Variants in PPP6C observed in about 807,000 individuals in gnomAD.
The protein encoded by PPP6C is serine/threonine-protein phosphatase 6 catalytic subunit.
PPP6C carries 11 observed loss-of-function variants against 39.8 expected under a neutral mutation model. The ratio of observed to expected loss-of-function variants is 0.28; its 90% CI spans 0.17 to 0.46. PPP6C has a LOEUF of 0.46. PPP6C is among the 20% of genes least tolerant of loss of function. PPP6C has a pLI of 1.00. For synonymous variants in PPP6C, 129 were observed against 130.3 expected (o/e 0.99, Z 0.07); for missense variants, 211 against 373.9 (o/e 0.56, Z 3.59).
chr9:125,167,108 C>T (rs117043273), intron 2 of PPP6C, among the ~76,000 whole-genome samples: 3,038 of 152,008 alleles, frequency 0.02, 46 homozygotes, highest in Non-Finnish European at 0.031. Flanking sequence ...GGGCCAGGTG[C>T]AGCGGCTCAC....
intron 2 of PPP6C, among the ~76,000 whole-genome samples, chr9:125,169,813 C>T (rs574647069): frequency 6.6e-6 from 1 of 152,200 alleles, no homozygotes; most frequent in South Asian, 2.1e-4. Context: ...CATAATGGGA[C>T]CTCCATCTAG....
At chr9:125,186,683 G>A (rs1011603888) in intron 1 of PPP6C, among the ~76,000 whole-genome samples, 4 of 151,674 alleles carry the variant, frequency 2.6e-5, no homozygotes, top group Non-Finnish European at 2.9e-5. Context: ...CCAGGAGGTC[G>A]AGGCTGCAAT....
chr9:125,154,178 G>A (rs1517411), intron 4 of PPP6C, among the ~76,000 whole-genome samples, 193 bp from the exon 5 acceptor site: 67,241 of 152,046 alleles, frequency 0.44, 15,245 homozygotes, highest in East Asian at 0.53. Flanking sequence ...ACATACAGTT[G>A]TATGTCCCTT....
At chr9:125,183,609 TCCAGTACCAC>T (rs992739304) in intron 1 of PPP6C, among the ~76,000 whole-genome samples, 1 of 152,192 alleles carries the variant, frequency 6.6e-6, no homozygotes, top group African/African-American at 2.4e-5. Flanking sequence ...CATCTTTCTT[TCCAGTACCAC>T]CTCCAGCCAT....
rs749236119 is a variant in PPP6C, at chr9:125,175,780, T to C, written c.76-4600A>G. On this transcript the variant is annotated intron_variant, in intron 1 of 6. Transcript: ENST00000373547. Reference sequence around the variant, plus strand: ...TTTCCACTACATTATATTGAATATTTAGTTGTTCAATGCAACAAATATTTA... The same window carrying C: ...TTTCCACTACATTATATTGAATATTCAGTTGTTCAATGCAACAAATATTTA... Among the ~76,000 whole-genome samples the C allele has an allele frequency of 2.1e-4, 32 of 152,206 alleles. 1 individual carries two copies. The highest frequency in any genetic ancestry group is 3.8e-4 in the Non-Finnish European group (26 of 68,048).
intron 1 of PPP6C, 144 bp downstream of exon 1, chr9:125,189,500 G>A: frequency 6.9e-7 from 1 of 1,458,290 alleles, no homozygotes; most frequent in Non-Finnish European, 9.0e-7. Context: ...TCGGCGTGAC[G>A]CCGGGTAGGA....
chr9:125,186,843 T>C (rs1470487131), intron 1 of PPP6C, among the ~76,000 whole-genome samples: 1 of 148,916 alleles, frequency 6.7e-6, no homozygotes, highest in Non-Finnish European at 1.5e-5. Context: ...CAACAAGAAA[T>C]AAAATGGTCT....
intron 4 of PPP6C, among the ~76,000 whole-genome samples, chr9:125,154,712 T>TA (rs1163313483): frequency 1.3e-5 from 2 of 152,194 alleles, no homozygotes; most frequent in Non-Finnish European, 2.9e-5. Context: ...TCAAACAAAT[T>TA]AGAGGATCCT....
intron 4 of PPP6C, among the ~76,000 whole-genome samples, chr9:125,155,760 C>T (rs1344805910): frequency 6.6e-6 from 1 of 151,972 alleles, no homozygotes; most frequent in East Asian, 1.9e-4. Flanking sequence ...AAAAAATTAG[C>T]CGGGCATGGT....
intron 2 of PPP6C, among the ~76,000 whole-genome samples, chr9:125,169,926 C>G (rs1299031565): frequency 1.3e-5 from 2 of 152,236 alleles, no homozygotes; most frequent in South Asian, 2.1e-4. Context: ...GTAGCCAAAA[C>G]AAGACTTTAC....
intron 1 of PPP6C, among the ~76,000 whole-genome samples, chr9:125,181,343 T>G (rs1017893253): frequency 2.0e-5 from 3 of 152,166 alleles, no homozygotes; most frequent in African/African-American, 7.2e-5. Context: ...TATTTATTTA[T>G]TTTTTATTAT....
chr9:125,154,236 G>A (rs942823032), intron 4 of PPP6C, among the ~76,000 whole-genome samples: 1 of 152,186 alleles, frequency 6.6e-6, no homozygotes, highest in Non-Finnish European at 1.5e-5. Context: ...TGATTTCATC[G>A]TTGTGTGAAC....
chr9:125,147,202 G>A lies in PPP6C; in HGVS notation c.*2471C>T, dbSNP rs1835831400. 6.6e-6 allele frequency: 1 copy of A among 152,166 alleles called. No homozygotes were observed. The highest frequency in any genetic ancestry group is 2.4e-5 in the African/African-American group (1 of 41,440). 9.4% of individuals were successfully genotyped at this position (152,166 alleles called of 1,614,324 possible). Reference sequence around the variant, plus strand: ...CATATCGGCCAAAGGAGGAAAGGGAGTAAATGGCAATTCAAAGTAGACAGT... The same window carrying A: ...CATATCGGCCAAAGGAGGAAAGGGAATAAATGGCAATTCAAAGTAGACAGT... On this transcript the variant is annotated 3_prime_UTR_variant, in exon 7 of 7. Coordinates refer to ENST00000373547, the MANE Select transcript of PPP6C (RefSeq NM_002721.5).
At chr9:125,167,199 G>A (rs1310452878) in intron 2 of PPP6C, among the ~76,000 whole-genome samples, 11 of 151,558 alleles carry the variant, frequency 7.3e-5, no homozygotes, top group African/African-American at 1.9e-4. Context: ...TGGCCAACAG[G>A]GCAAAATCCC....
chr9:125,175,737 A>C (rs1200528685), intron 1 of PPP6C, among the ~76,000 whole-genome samples: 2 of 152,194 alleles, frequency 1.3e-5, no homozygotes, highest in Non-Finnish European at 1.5e-5. Flanking sequence ...CAGATCTAGA[A>C]TCCAAGTTTC....
At chr9:125,182,023 C>G (rs1021318908) in intron 1 of PPP6C, among the ~76,000 whole-genome samples, 5 of 152,244 alleles carry the variant, frequency 3.3e-5, no homozygotes, top group African/African-American at 1.2e-4. Context: ...TATCTCATTG[C>G]GGTTTTGATT....
intron 1 of PPP6C, among the ~76,000 whole-genome samples, chr9:125,179,891 G>A (rs1196770730): frequency 2.0e-5 from 3 of 151,866 alleles, no homozygotes; most frequent in African/African-American, 4.8e-5. Flanking sequence ...CCTGACCTCA[G>A]GTGATCCACC....
At chr9:125,161,907 A>G (rs895398824) in intron 2 of PPP6C, among the ~76,000 whole-genome samples, 6 of 152,212 alleles carry the variant, frequency 3.9e-5, no homozygotes, top group Non-Finnish European at 8.8e-5. Context: ...ACATTGGACC[A>G]ATTACAACTA....
intron 6 of PPP6C, among the ~76,000 whole-genome samples, chr9:125,152,176 C>G (rs191724024): frequency 6.6e-6 from 1 of 152,172 alleles, no homozygotes; most frequent in East Asian, 1.9e-4. Context: ...GAGGAAGAAG[C>G]CTGATCCATC....
Sources: allele counts gnomAD v4.1 joint callset (sites outside exome capture counted in the v4.1 genomes callset), GRCh38; gene constraint gnomAD v4.1.1; transcripts MANE v1.5; gene names NCBI Gene and HGNC (gene_info 2026-07-23, HGNC 2026-07-21).